Variants in SLC29A3 observed in about 807,000 individuals in gnomAD.
SLC29A3 encodes the protein equilibrative nucleoside transporter 3.
SLC29A3 carries 18 observed loss-of-function variants against 25.4 expected under a neutral mutation model. The ratio of observed to expected loss-of-function variants is 0.71; its 90% CI spans 0.49 to 1.05. The LOEUF is 1.05. SLC29A3 is among the 50% of genes least tolerant of loss of function. The probability of loss-of-function intolerance (pLI) is 0.00; values close to 1 mark genes in which losing one functional copy is unlikely to be tolerated. For synonymous variants in SLC29A3, 258 were observed against 267.1 expected, an observed-to-expected ratio of 0.97 and a Z score of 0.33; for missense variants, 586 against 609.0, an observed-to-expected ratio of 0.96 and a Z score of 0.40.
downstream of SLC29A3, chr10:71,364,373 CTCTA>C (rs1847146161): frequency 6.6e-6 from 1 of 152,226 alleles, no homozygotes; most frequent in African/African-American, 2.4e-5. Flanking sequence ...GGTTCCATTG[CTCTA>C]TCTGGGGGGG....
At chr10:71,346,876 G>T (rs1158479557) in intron 3 of SLC29A3, among the ~76,000 whole-genome samples, 4 of 152,210 alleles carry the variant, frequency 2.6e-5, no homozygotes, top group Non-Finnish European at 5.9e-5. Flanking sequence ...CGATGGAAGG[G>T]GGTGGTTAAG....
Position 71,362,896 on chromosome 10 carries a change from T to G in SLC29A3, c.*288T>G, listed in dbSNP as rs1297889233. On this transcript the variant is annotated 3_prime_UTR_variant, in exon 6 of 6. Coordinates refer to ENST00000373189, the MANE Select transcript of SLC29A3 (RefSeq NM_018344.6). ...GCTGATGGTTAACATTCCACCTTCT[T>G]TCTAGCCCTTCAAAGATGCTGCCAG... 8.3e-6 allele frequency: 5 copies of G among 604,324 alleles called. No homozygotes were observed. Among genetic ancestry groups the G allele is most frequent in the Non-Finnish European group, 1.5e-5 (5 of 324,226 alleles). 37.4% of individuals were successfully genotyped at this position (604,324 alleles called of 1,614,324 possible). A position where few individuals can be genotyped will look rare whatever the true frequency, so the allele number is the denominator to read the frequency against.
At chr10:71,363,711 G>A (rs1434960977), downstream of SLC29A3, among the ~76,000 whole-genome samples, 1 of 151,818 alleles carries the variant, frequency 6.6e-6, no homozygotes, top group Non-Finnish European at 1.5e-5. Flanking sequence ...GAGCTCAAGC[G>A]ATCCTCCCAC....
chr10:71,331,249 G>C (rs1846111005), intron 2 of SLC29A3, among the ~76,000 whole-genome samples: 1 of 152,182 alleles, frequency 6.6e-6, no homozygotes, highest in Non-Finnish European at 1.5e-5. Context: ...TTGTCCTTGA[G>C]TTTGACCTTG....
intron 3 of SLC29A3, among the ~76,000 whole-genome samples, chr10:71,372,368 A>C (rs1218541126): frequency 6.6e-6 from 1 of 152,236 alleles, no homozygotes; most frequent in Non-Finnish European, 1.5e-5. Context: ...ATTCAAACCC[A>C]GGTCTGCCTG....
intron 1 of SLC29A3, among the ~76,000 whole-genome samples, chr10:71,321,686 T>G (rs1197078086): frequency 6.6e-6 from 1 of 152,224 alleles, no homozygotes; most frequent in Admixed American, 6.5e-5. Flanking sequence ...AAAAACAGCT[T>G]CTCTGGGTTT....
chr10:71,376,653 T>C (rs1847253937), intron 4 of SLC29A3, among the ~76,000 whole-genome samples: 1 of 152,204 alleles, frequency 6.6e-6, no homozygotes, highest in East Asian at 1.9e-4. Context: ...GCTATAGAGT[T>C]TATTCAAGCC....
At chr10:71,358,209 G>A (rs1301249471) in intron 5 of SLC29A3, among the ~76,000 whole-genome samples, 1 of 152,138 alleles carries the variant, frequency 6.6e-6, no homozygotes, top group African/African-American at 2.4e-5. Context: ...GCTCGCAACT[G>A]CAAGGGCCTT....
At chr10:71,322,108 A>G (rs78041015) in intron 1 of SLC29A3, among the ~76,000 whole-genome samples, 3 of 152,186 alleles carry the variant, frequency 2.0e-5, no homozygotes, top group African/African-American at 7.2e-5. Flanking sequence ...AGAGACACAA[A>G]TAAGAATGCA....
chr10:71,331,308 A>G (rs1846112602), intron 2 of SLC29A3, among the ~76,000 whole-genome samples: 1 of 152,076 alleles, frequency 6.6e-6, no homozygotes, highest in Admixed American at 6.6e-5. Context: ...GGATGGGGGG[A>G]GAGACAGAGG....
chr10:71,329,469 A>AAG (rs1291730821), intron 2 of SLC29A3, among the ~76,000 whole-genome samples: 5 of 152,046 alleles, frequency 3.3e-5, no homozygotes, highest in African/African-American at 4.8e-5. Flanking sequence ...AAAAAAAAAA[A>AAG]AAAAGAAAAG....
intron 5 of SLC29A3, among the ~76,000 whole-genome samples, chr10:71,358,660 G>A (rs1052511010): frequency 1.3e-5 from 2 of 152,226 alleles, no homozygotes; most frequent in Non-Finnish European, 2.9e-5. Context: ...TTGTTTGCTC[G>A]TGTCCTGTTT....
chr10:71,324,730 A>G (rs1845926553), intron 2 of SLC29A3, among the ~76,000 whole-genome samples: 1 of 152,120 alleles, frequency 6.6e-6, no homozygotes, highest in Admixed American at 6.5e-5. Context: ...GGAGTCCTGG[A>G]CCAATGCCCT....
At chr10:71,373,735 C>G (rs1273705016) in intron 3 of SLC29A3, among the ~76,000 whole-genome samples, 2 of 152,206 alleles carry the variant, frequency 1.3e-5, no homozygotes, top group Non-Finnish European at 2.9e-5. Context: ...TTCTGCCATG[C>G]TCTGGGTACG....
chr10:71,368,075 C>T (rs1380471626), downstream of SLC29A3, among the ~76,000 whole-genome samples: 1 of 151,858 alleles, frequency 6.6e-6, no homozygotes. Flanking sequence ...TATATATATA[C>T]AAAAATTAGC....
At chr10:71,366,627 CCTCATTCAGCTGCCTTCCA>C (rs1185065408), downstream of SLC29A3, among the ~76,000 whole-genome samples, 2 of 140,066 alleles carry the variant, frequency 1.4e-5, no homozygotes, top group Non-Finnish European at 3.1e-5. Context: ...AGCAAAGACC[CCTCATTCAGCTGCCTTCCA>C]CTCAGTGCTC....
intron 2 of SLC29A3, among the ~76,000 whole-genome samples, chr10:71,341,700 G>T (rs1018166776): frequency 6.6e-6 from 1 of 152,198 alleles, no homozygotes; most frequent in African/African-American, 2.4e-5. Context: ...TAATTACAGG[G>T]TTTCTGTGGG....
chr10:71,368,606 G>A (rs190291879), intron 3 of SLC29A3, among the ~76,000 whole-genome samples: 114 of 152,312 alleles, frequency 7.5e-4, no homozygotes, highest in East Asian at 4.2e-3. Context: ...TTTGTCCTTT[G>A]GACAGGCTGT....
intron 3 of SLC29A3, among the ~76,000 whole-genome samples, chr10:71,347,541 G>A (rs981767418): frequency 6.6e-6 from 1 of 152,234 alleles, no homozygotes; most frequent in Non-Finnish European, 1.5e-5. Context: ...GGTGGAAGCA[G>A]CAGAGAGGGA....
Sources: gnomAD v4.1 joint callset for allele counts (sites outside exome capture counted in the v4.1 genomes callset) on GRCh38, gnomAD v4.1.1 for gene constraint, MANE v1.5 for transcripts, NCBI Gene and HGNC (gene_info 2026-07-23, HGNC 2026-07-21) for gene names.